The following RAB3A variants were observed in gnomAD, a reference collection of about 807,000 sequenced individuals.
The protein encoded by RAB3A is RAB3A, member RAS oncogene family.
RAB3A carries 5 observed loss-of-function variants against 19.7 expected under a neutral mutation model. The observed-to-expected ratio is 0.25, with a 90% CI of 0.13 to 0.53. The LOEUF is 0.53. RAB3A is among the 20% of genes least tolerant of loss of function. The pLI is 0.95. For synonymous variants in RAB3A, 119 were observed against 122.1 expected, an observed-to-expected ratio of 0.97 and a Z score of 0.17; for missense variants, 189 against 305.6, an observed-to-expected ratio of 0.62 and a Z score of 2.85.
chr19:18,197,735 A>C (rs1191423078), intron 4 of RAB3A, 75 bp from the exon 5 acceptor site: 4 of 1,326,092 alleles, frequency 3.0e-6, no homozygotes, highest in Non-Finnish European at 4.1e-6. Context: ...TCTCTGAGGA[A>C]AGGGAACACC....
At chr19:18,198,106 C>G (rs1723706098) in intron 4 of RAB3A, among the ~76,000 whole-genome samples, 1 of 152,010 alleles carries the variant, frequency 6.6e-6, no homozygotes, top group African/African-American at 2.4e-5. Context: ...ACATGCCCTG[C>G]AGCGTCCAGC....
chr19:18,202,792 T>A lies in RAB3A; in HGVS notation c.1-52A>T. On this transcript the variant is annotated intron_variant, in intron 1 of 4. Coordinates refer to ENST00000222256, the MANE Select transcript of RAB3A (RefSeq NM_002866.5). This position sits in a 1 kb window ranked among gnomAD's most constrained non-coding sequence, Gnocchi z 4.2. ...GTGAGGGGGGCTCTCTCCATCCTCA[T>A]GTGCCCAAGCCCAGGCAGAAGATGG... is the stretch of plus-strand genomic sequence containing the variant. 2 of 1,468,984 alleles carry A rather than the reference T, an allele frequency of 1.4e-6. No individual in the cohort carries two copies. Among genetic ancestry groups the A allele is most frequent in the Non-Finnish European group, 1.9e-6 (2 of 1,053,686 alleles). 91.0% of individuals were successfully genotyped at this position (1,468,984 alleles called of 1,614,324 possible).
In RAB3A at chr19:18,202,919, T is replaced by C. The variant is rs1967633936; in HGVS notation, c.1-179A>G. ...CCCCAGCAGAGGGCAGCCTGTGACC[T>C]TGAAATCCTGGGCGTTTCAGAGGAG... On this transcript the variant is annotated intron_variant, in intron 1 of 4. Transcript: ENST00000222256. The surrounding 1 kb of genome is among the most constrained non-coding windows in gnomAD (Gnocchi z 4.2). 1.7e-6 allele frequency: 1 copy of C among 582,082 alleles called. No homozygotes were observed. Among genetic ancestry groups the C allele is most frequent in the Non-Finnish European group, 3.1e-6 (1 of 327,004 alleles). 36.1% of individuals were successfully genotyped at this position (582,082 alleles called of 1,614,324 possible).
Position 18,202,542 on chromosome 19 carries a change from T to C in RAB3A, c.199A>G (p.Asn67Asp), listed in dbSNP as rs1202665473. Residue 67 changes from asparagine (N) to aspartate (D), a missense_variant, in exon 2 of 5, where the codon AAC becomes GAC. Asn to Asp is a conservative substitution (Grantham distance 23, BLOSUM62 1). Coordinates refer to ENST00000222256, the MANE Select transcript of RAB3A (RefSeq NM_002866.5). The surrounding 1 kb of genome is among the most constrained non-coding windows in gnomAD (Gnocchi z 4.2). ...IDFKVKTIYR[N>D]DKRIKLQIWD... ...ATCTGCAGCTTGATCCTCTTGTCGTTGCGATAGATGGTCTTGACCTTGAAG... is the reference window on the plus strand; with the variant it reads ...ATCTGCAGCTTGATCCTCTTGTCGTCGCGATAGATGGTCTTGACCTTGAAG... 1 of 1,614,132 alleles carries C rather than the reference T, an allele frequency of 6.2e-7. No homozygotes were observed. The highest frequency in any genetic ancestry group is 1.7e-5 in the Admixed American group (1 of 60,008).
Position 18,202,013 on chromosome 19 carries a change from G to A in RAB3A, c.228+500C>T, listed in dbSNP as rs983888838. On this transcript the variant is annotated intron_variant, in intron 2 of 4. Transcript: ENST00000222256. This position sits in a 1 kb window ranked among gnomAD's most constrained non-coding sequence, Gnocchi z 4.2. ...TTTGAGAGGCTGAGGTGGGAGGATC[G>A]CTTGAGCCCAGGAGTTCAAGACCAG... Among the ~76,000 whole-genome samples, 3 of 152,046 alleles carry A rather than the reference G, an allele frequency of 2.0e-5. No homozygotes were observed. Among genetic ancestry groups the A allele is most frequent in the Non-Finnish European group, 4.4e-5 (3 of 68,004 alleles).
Position 18,197,360 on chromosome 19 carries a change from A to C in RAB3A, c.*110T>G. ...AATAATAAATAAGGGTGACGGGCTA[A>C]GTCAGGAGCAGGGGTCTTGTGCCCG... On this transcript the variant is annotated 3_prime_UTR_variant, in exon 5 of 5. Coordinates refer to ENST00000222256, the MANE Select transcript of RAB3A (RefSeq NM_002866.5). 1 of 964,066 alleles carries C rather than the reference A, an allele frequency of 1.0e-6. No individual in the cohort carries two copies. 59.7% of individuals were successfully genotyped at this position (964,066 alleles called of 1,614,324 possible).
chr19:18,199,108 T>C lies in RAB3A; in HGVS notation c.348-259A>G, dbSNP rs1322578403. Among the ~76,000 whole-genome samples the C allele has an allele frequency of 2.0e-5, 3 of 151,980 alleles. No homozygotes were observed. In the East Asian group the frequency reaches 5.8e-4, roughly 29 times the overall value. On this transcript the variant is annotated intron_variant, in intron 3 of 4. Coordinates refer to ENST00000222256, the MANE Select transcript of RAB3A (RefSeq NM_002866.5). ...TGTTGCCCAGGCTGGAGTATCTGCC[T>C]GCCTTCGCTTCTCAAAGTACTGGAA...
Position 18,202,405 on chromosome 19 carries a change from G to T in RAB3A, c.228+108C>A. On this transcript the variant is annotated intron_variant, in intron 2 of 4. Transcript: ENST00000222256. This position sits in a 1 kb window ranked among gnomAD's most constrained non-coding sequence, Gnocchi z 4.2. ...GGCACCTTACTGATAAATGCCCAGT[G>T]TGTAAGTGAATGACTCCAGTCAGGA... 9.9e-7 allele frequency: 1 copy of T among 1,005,946 alleles called. No homozygotes were observed. Among genetic ancestry groups the T allele is most frequent in the Non-Finnish European group, 1.5e-6 (1 of 657,722 alleles). The allele number at this position is 1,005,946 out of a possible 1,614,324, so 62.3% of individuals were successfully genotyped here.
At chr19:18,199,343 G>T (rs1213314193) in intron 3 of RAB3A, among the ~76,000 whole-genome samples, 1 of 151,892 alleles carries the variant, frequency 6.6e-6, no homozygotes, top group East Asian at 1.9e-4. Flanking sequence ...TTTTAGTAGA[G>T]ACAGGGTTTC....
chr19:18,198,072 C>T (rs74960069), intron 4 of RAB3A, among the ~76,000 whole-genome samples: 3,244 of 151,494 alleles, frequency 0.021, 111 homozygotes, highest in African/African-American at 0.073. Flanking sequence ...AATTGTGTCT[C>T]GTTGTCCTTA....
rs1370826497 is a variant in RAB3A at position 18,202,543 on chromosome 19, G to T, written c.198C>A (p.Arg66=). 1 of 1,614,092 alleles carries T rather than the reference G, an allele frequency of 6.2e-7. No individual in the cohort carries two copies. The highest frequency in any genetic ancestry group is 8.5e-7 in the Non-Finnish European group (1 of 1,180,034). ...TCTGCAGCTTGATCCTCTTGTCGTT[G>T]CGATAGATGGTCTTGACCTTGAAGT... ...GIDFKVKTIY[R]NDKRIKLQIW... Residue 66 remains arginine (R), a synonymous_variant, in exon 2 of 5, where the codon CGC becomes CGA. Transcript: ENST00000222256. The surrounding 1 kb of genome is among the most constrained non-coding windows in gnomAD (Gnocchi z 4.2).
intron 2 of RAB3A, among the ~76,000 whole-genome samples, chr19:18,200,892 G>A (rs1474262556): frequency 2.0e-5 from 3 of 151,894 alleles, no homozygotes; most frequent in East Asian, 1.9e-4. Flanking sequence ...GTGAGATCGC[G>A]CCACTGCAGT....
Position 18,199,627 on chromosome 19 carries a change from G to A in RAB3A, c.347+700C>T, listed in dbSNP as rs191493728. Reference sequence around the variant, plus strand: ...CAACCTCCACCTCCCGGGTTCGAGCGATTCTCCTGCCTCAGGCTCCCAAGT... The same window carrying A: ...CAACCTCCACCTCCCGGGTTCGAGCAATTCTCCTGCCTCAGGCTCCCAAGT... On this transcript the variant is annotated intron_variant, in intron 3 of 4. Coordinates refer to ENST00000222256, the MANE Select transcript of RAB3A (RefSeq NM_002866.5). Among the ~76,000 whole-genome samples, 157 of 151,966 alleles carry A rather than the reference G, an allele frequency of 1.0e-3. 1 individual carries two copies. In the Middle Eastern group the frequency reaches 0.014, roughly 13 times the overall value.
In RAB3A at chr19:18,200,884, G is replaced by A. The variant is rs889625408; in HGVS notation, c.229-439C>T. Among the ~76,000 whole-genome samples the A allele has an allele frequency of 2.0e-5, 3 of 152,060 alleles. No individual in the cohort carries two copies. The South Asian group carries it at 6.2e-4, about 32-fold the overall frequency. On this transcript the variant is annotated intron_variant, in intron 2 of 4. Coordinates refer to ENST00000222256, the MANE Select transcript of RAB3A (RefSeq NM_002866.5). ...CAGGAGGCAGAGGTTGCAGTGAGGTGAGATCGCGCCACTGCAGTTCAGCCT... is the reference window on the plus strand; with the variant it reads ...CAGGAGGCAGAGGTTGCAGTGAGGTAAGATCGCGCCACTGCAGTTCAGCCT...
intron 4 of RAB3A, 125 bp downstream of exon 4, chr19:18,198,600 T>G: frequency 3.2e-6 from 4 of 1,255,654 alleles, no homozygotes; most frequent in Non-Finnish European, 4.4e-6. Context: ...GGCTCCTGGA[T>G]GAAGGCTAGT....
At chr19:18,198,942 A>G in intron 3 of RAB3A, 93 bp from the exon 4 acceptor site, 3 of 1,483,802 alleles carry the variant, frequency 2.0e-6, no homozygotes, top group Non-Finnish European at 2.7e-6. Context: ...TTGTCCGAGG[A>G]AGAAAGACCC....
chr19:18,203,624 C>G (rs1967644573), intron 1 of RAB3A, among the ~76,000 whole-genome samples: 3 of 152,136 alleles, frequency 2.0e-5, no homozygotes, highest in Admixed American at 2.0e-4. Context: ...CGCGCACGCG[C>G]ACGCAAAAGC....
chr19:18,198,937 C>T (rs113704268), intron 3 of RAB3A, 88 bp from the exon 4 acceptor site: 22 of 1,502,400 alleles, frequency 1.5e-5, no homozygotes, highest in Non-Finnish European at 1.7e-5. Flanking sequence ...TGTCCTTGTC[C>T]GAGGAAGAAA....
At chr19:18,197,995 C>T (rs1472038844) in intron 4 of RAB3A, among the ~76,000 whole-genome samples, 2 of 151,708 alleles carry the variant, frequency 1.3e-5, no homozygotes, top group Admixed American at 6.6e-5. Flanking sequence ...CCTCCACCCC[C>T]ACCTCTCAAA....
Sources: gnomAD v4.1 joint callset for allele counts (sites outside exome capture counted in the v4.1 genomes callset) on GRCh38, gnomAD v4.1.1 for gene constraint, Gnocchi (gnomAD v3.1) non-coding constraint, MANE v1.5 for transcripts, NCBI Gene and HGNC (gene_info 2026-07-23, HGNC 2026-07-21) for gene names.